The following AKR1C1 variants were observed in gnomAD, a reference collection of about 807,000 sequenced individuals.
The protein encoded by AKR1C1 is aldo-keto reductase family 1 member C1, also known as 20 alpha-hydroxysteroid dehydrogenase.
AKR1C1 carries 32 observed loss-of-function variants against 40.6 expected under a neutral mutation model. That is an observed-to-expected ratio of 0.79 (90% CI 0.60 to 1.06). The LOEUF (loss-of-function observed/expected upper bound fraction) is 1.06. AKR1C1 is among the 50% of genes least tolerant of loss of function. The pLI is 0.00. For missense variants in AKR1C1, 320 were observed against 363.5 expected (o/e 0.88, Z 0.97); for synonymous variants, 105 against 134.2 (o/e 0.78, Z 1.50).
chr10:4,973,637 A>C (rs779616865), intron 7 of AKR1C1, among the ~76,000 whole-genome samples: 56 of 152,268 alleles, frequency 3.7e-4, no homozygotes, highest in South Asian at 8.3e-4. Flanking sequence ...GGTGGGGAAA[A>C]AGACACCACC....
rs766719242 is a variant in AKR1C1 at position 4,967,019 on chromosome 10, T to G, written c.345T>G (p.Leu115=). 1.2e-6 allele frequency: 2 copies of G among 1,613,776 alleles called. No homozygotes were observed. Among genetic ancestry groups the G allele is most frequent in the African/African-American group, 2.7e-5 (2 of 74,922 alleles). Reference sequence around the variant, plus strand: ...AATTGGATTATGTTGACCTCTACCTTATTCATTTTCCAGTGTCTGTAAAGG... The same window carrying G: ...AATTGGATTATGTTGACCTCTACCTGATTCATTTTCCAGTGTCTGTAAAGG... ...NLQLDYVDLY[L]IHFPVSVKPG... The change falls in exon 3 of 9, where the codon CTT becomes CTG. Residue 115 remains leucine (L), a synonymous_variant. Coordinates refer to ENST00000380872, the MANE Select transcript of AKR1C1 (RefSeq NM_001353.6).
intron 8 of AKR1C1, 138 bp from the exon 9 acceptor site, chr10:4,977,562 G>T (rs1554770607): frequency 4.6e-6 from 4 of 869,498 alleles, no homozygotes; most frequent in Non-Finnish European, 7.0e-6. Flanking sequence ...ATTAAACAAA[G>T]AAACACAGAT....
chr10:4,970,524 G>A (rs781835955), intron 5 of AKR1C1, among the ~76,000 whole-genome samples: 53 of 152,016 alleles, frequency 3.5e-4, no homozygotes, highest in Non-Finnish European at 6.9e-4. Context: ...ATCACAGAAT[G>A]CCCCACTAGT....
In AKR1C1 at chr10:4,968,735, T is replaced by G. The variant is rs376301276; in HGVS notation, c.448-87T>G. On this transcript the variant is annotated intron_variant, in intron 4 of 8. Transcript: ENST00000380872. ...TTTAAGAACCACGGCTAGCTAGTTT[T>G]ATTGTCATATCTAGACAGTTGTTAC... 349 of 1,590,424 alleles carry G rather than the reference T, an allele frequency of 2.2e-4. 1 individual carries two copies. The East Asian group carries it at 6.5e-3, about 30-fold the overall frequency.
Position 4,981,227 on chromosome 10 carries a change from C to G in AKR1C1, c.*3485C>G, listed in dbSNP as rs782502467. ...GCTTTCTTGCTTTATTTATAGAACA[C>G]TTACAGAGTAGATATAGATTAAATC... On this transcript the variant is annotated 3_prime_UTR_variant, in exon 9 of 9. Coordinates refer to ENST00000380872, the MANE Select transcript of AKR1C1 (RefSeq NM_001353.6). The G allele has an allele frequency of 6.6e-6, 1 of 152,144 alleles. No individual in the cohort carries two copies. The highest frequency in any genetic ancestry group is 1.5e-5 in the Non-Finnish European group (1 of 68,026). The allele number at this position is 152,144 out of a possible 1,614,324, so 9.4% of individuals were successfully genotyped here.
chr10:4,972,531 A>T, intron 6 of AKR1C1, 53 bp from the exon 7 acceptor site: 1 of 1,610,690 alleles, frequency 6.2e-7, no homozygotes, highest in Non-Finnish European at 8.5e-7. Flanking sequence ...GGAGCCGCCT[A>T]ACAAACTGTA....
Position 4,972,637 on chromosome 10 carries a change from C to A in AKR1C1, c.734C>A (p.Ala245Glu), listed in dbSNP as rs782711457. ...GAGGACCCAGTCCTTTGTGCCTTGG[C>A]AAAAAAGCACAAGCGAACCCCAGCC... ...LLEDPVLCAL[A>E]KKHKRTPALI... Residue 245 changes from alanine (A) to glutamate (E), a missense_variant, in exon 7 of 9, where the codon GCA becomes GAA. By Grantham distance (107) the Ala-to-Glu change is moderately radical. Around this residue, in one of 3 missense-constraint regions of AKR1C1, gnomAD observed 77 missense variants for 125.3 expected, o/e 0.61. Coordinates refer to ENST00000380872, the MANE Select transcript of AKR1C1 (RefSeq NM_001353.6). 2 of 1,613,448 alleles carry A rather than the reference C, an allele frequency of 1.2e-6. No individual in the cohort carries two copies. Among genetic ancestry groups the A allele is most frequent in the East Asian group, 2.2e-5 (1 of 44,892 alleles).
chr10:4,972,687 C>A lies in AKR1C1; in HGVS notation c.784C>A (p.Gln262Lys). The A allele has an allele frequency of 6.2e-7, 1 of 1,612,714 alleles. No homozygotes were observed. Among genetic ancestry groups the A allele is most frequent in the Non-Finnish European group, 8.5e-7 (1 of 1,180,028 alleles). ...CCTGATTGCCCTGCGCTACCAGCTA[C>A]AGCGTGGGGTTGTGGTCCTGGCCAA... Reference protein sequence around the residue: ...PALIALRYQLQRGVVVLAKSY... With the variant: ...PALIALRYQLKRGVVVLAKSY... Residue 262 changes from glutamine to lysine, a missense_variant, in exon 7 of 9, where the codon CAG becomes AAG. Transcript: ENST00000380872.
intron 3 of AKR1C1, chr10:4,967,501 C>A (rs975908674): frequency 6.8e-5 from 67 of 985,974 alleles, no homozygotes; most frequent in Non-Finnish European, 7.9e-5. Context: ...CATGGGAAAC[C>A]TTGTTGCTTC....
rs782662636 is a variant in AKR1C1, at chr10:4,972,276, T to A, written c.646T>A (p.Tyr216Asn). 1.1e-4 allele frequency: 179 copies of A among 1,613,678 alleles called. No homozygotes were observed. Among genetic ancestry groups the A allele is most frequent in the Non-Finnish European group, 1.4e-4 (170 of 1,179,966 alleles). ...CKSKDIVLVAYSALGSHREEP... is the reference protein window; with the variant it reads ...CKSKDIVLVANSALGSHREEP... ...GTCAAAAGACATTGTTCTGGTTGCC[T>A]ATAGTGCTCTGGGATCCCACCGAGA... is the stretch of plus-strand genomic sequence containing the variant. Residue 216 changes from tyrosine to asparagine, a missense_variant, in exon 6 of 9, where the codon TAT becomes AAT. Tyr to Asn is a moderately radical substitution (Grantham distance 143). This residue lies in a region of AKR1C1 where 77 missense variants were observed against 125.3 expected (regional missense o/e 0.61). Transcript: ENST00000380872.
At chr10:4,965,773 A>T in intron 1 of AKR1C1, 141 bp from the exon 2 acceptor site, 1 of 949,740 alleles carries the variant, frequency 1.1e-6, no homozygotes, top group Admixed American at 3.1e-5. Flanking sequence ...ACCCAGGGAG[A>T]CTGGGATGGG....
Position 4,976,159 on chromosome 10 carries a change from T to C in AKR1C1, c.929+226T>C, listed in dbSNP as rs537737009. ...CAACCTGTGCCTCTGCTCTCGTGACTCCAAGGAACTTTCCAGAGCAGCCAA... is the reference window on the plus strand; with the variant it reads ...CAACCTGTGCCTCTGCTCTCGTGACCCCAAGGAACTTTCCAGAGCAGCCAA... On this transcript the variant is annotated intron_variant, in intron 8 of 8. Transcript: ENST00000380872. Among the ~76,000 whole-genome samples, 4 of 151,406 alleles carry C rather than the reference T, an allele frequency of 2.6e-5. No individual in the cohort carries two copies. The East Asian group carries it at 7.8e-4, about 30-fold the overall frequency.
intron 5 of AKR1C1, chr10:4,969,567 T>C: frequency 8.2e-7 from 1 of 1,218,750 alleles, no homozygotes; most frequent in Non-Finnish European, 1.2e-6. Context: ...CAGCAGAACA[T>C]GGAGCTGACC....
intron 5 of AKR1C1, among the ~76,000 whole-genome samples, chr10:4,970,688 T>C (rs1233984305): frequency 1.3e-5 from 2 of 151,964 alleles, no homozygotes; most frequent in African/African-American, 2.4e-5. Flanking sequence ...GAAATCATCA[T>C]TGTCAGTAAA....
chr10:4,969,138 C>A (rs1263893349), intron 5 of AKR1C1, among the ~76,000 whole-genome samples, 194 bp downstream of exon 5: 1 of 152,200 alleles, frequency 6.6e-6, no homozygotes, highest in South Asian at 2.1e-4. Context: ...GGTGTTGTAA[C>A]TTTGATGCTG....
chr10:4,966,385 T>A (rs1197193420), intron 2 of AKR1C1, among the ~76,000 whole-genome samples: 1 of 152,204 alleles, frequency 6.6e-6, no homozygotes, highest in African/African-American at 2.4e-5. Flanking sequence ...ATTTCTTACC[T>A]CCTGGGTGAG....
Position 4,983,271 on chromosome 10 carries a change from G to C in AKR1C1, c.*5529G>C, listed in dbSNP as rs1836647677. The C allele has an allele frequency of 5.9e-6, 1 of 168,124 alleles. No individual in the cohort carries two copies. Among genetic ancestry groups the C allele is most frequent in the African/African-American group, 2.4e-5 (1 of 41,698 alleles). The allele number at this position is 168,124 out of a possible 1,614,324, so 10.4% of individuals were successfully genotyped here. On this transcript the variant is annotated 3_prime_UTR_variant, in exon 9 of 9. Transcript: ENST00000380872. ...ACATGGAATATGAGTTAAATAAATG[G>C]CTTCGTATTAAAGCCTGTATGTTAA...
rs1462985696 is a variant in AKR1C1 at position 4,981,971 on chromosome 10, A to G, written c.*4229A>G. 6.6e-6 allele frequency: 1 copy of G among 152,276 alleles called. No individual in the cohort carries two copies. The highest frequency in any genetic ancestry group is 1.5e-5 in the Non-Finnish European group (1 of 68,092). 9.4% of individuals were successfully genotyped at this position (152,276 alleles called of 1,614,324 possible). ...CCTGGCACTGTTAGCAGAGCACTGCATGAATGAAAGGAATGAAAATAGCCT... is the reference window on the plus strand; with the variant it reads ...CCTGGCACTGTTAGCAGAGCACTGCGTGAATGAAAGGAATGAAAATAGCCT... On this transcript the variant is annotated 3_prime_UTR_variant, in exon 9 of 9. Coordinates refer to ENST00000380872, the MANE Select transcript of AKR1C1 (RefSeq NM_001353.6).
Position 4,968,838 on chromosome 10 carries a change from A to C in AKR1C1, c.464A>C (p.Lys155Thr). The C allele has an allele frequency of 6.2e-7, 1 of 1,614,162 alleles. No individual in the cohort carries two copies. The highest frequency in any genetic ancestry group is 8.5e-7 in the Non-Finnish European group (1 of 1,180,032). Residue 155 changes from lysine to threonine, a missense_variant, in exon 5 of 9, where the codon AAA (lysine) becomes ACA (threonine). Coordinates refer to ENST00000380872, the MANE Select transcript of AKR1C1 (RefSeq NM_001353.6). ...CATWEAVEKC[K>T]DAGLAKSIGV... ...TTTTCCCAGGCCGTGGAGAAGTGTAAAGATGCAGGATTGGCCAAGTCCATC... is the reference window on the plus strand; with the variant it reads ...TTTTCCCAGGCCGTGGAGAAGTGTACAGATGCAGGATTGGCCAAGTCCATC...
Sources: allele counts gnomAD v4.1 joint callset (sites outside exome capture counted in the v4.1 genomes callset), GRCh38; gene constraint gnomAD v4.1.1; regional missense constraint gnomAD v4.1.1; transcripts MANE v1.5; gene names NCBI Gene and HGNC (gene_info 2026-07-23, HGNC 2026-07-21).